The following RSRC1 variants were observed in gnomAD, a reference collection of about 807,000 sequenced individuals.
RSRC1 encodes the protein serine/Arginine-related protein 53.
A neutral mutation model predicts 49.1 loss-of-function variants in RSRC1; 39 were observed. That is an observed-to-expected ratio of 0.79 (90% confidence interval 0.61 to 1.04). The LOEUF is 1.04. Ranked by LOEUF, RSRC1 falls within the 50% of genes least tolerant of loss-of-function variation. RSRC1 has a pLI of 0.00. For missense variants in RSRC1, 388 were observed against 402.4 expected (o/e 0.96, Z 0.31); for synonymous variants, 143 against 130.8 (o/e 1.09, Z -0.63).
chr3:158,283,754 G>T (rs557566536), intron 4 of RSRC1, among the ~76,000 whole-genome samples: 1 of 152,242 alleles, frequency 6.6e-6, no homozygotes, highest in Admixed American at 6.5e-5. Flanking sequence ...GTATTGTTGA[G>T]AATGTTGATA....
intron 4 of RSRC1, among the ~76,000 whole-genome samples, chr3:158,234,016 G>A (rs889290785): frequency 3.3e-5 from 5 of 152,182 alleles, no homozygotes; most frequent in Admixed American, 2.6e-4. Context: ...CACTTGTAAG[G>A]AAGAGCAGGG....
At position 158,274,188 on chromosome 3, in the gene RSRC1, T is replaced by C. The variant is rs115529116; in HGVS notation, c.495-23851T>C. Among the ~76,000 whole-genome samples, 1,508 of 152,208 alleles carry C rather than the reference T, an allele frequency of 9.9e-3. 26 individuals carry two copies. The highest frequency in any genetic ancestry group is 0.035 in the African/African-American group (1,447 of 41,552). ...TGTTTTTAATGTTTAGAAATATGAA[T>C]TTTAGGGGTATGCTGAAGTGCTGAG... On this transcript the variant is annotated intron_variant, in intron 4 of 9. Transcript: ENST00000611884.
At chr3:158,132,412 A>G (rs1267971257) in intron 3 of RSRC1, 1 of 154,622 alleles carries the variant, frequency 6.5e-6, no homozygotes, top group Non-Finnish European at 1.4e-5. Context: ...CCATGCTTTT[A>G]TCTGAGGAAC....
chr3:158,196,533 C>T (rs1247556767), intron 3 of RSRC1, among the ~76,000 whole-genome samples: 1 of 152,236 alleles, frequency 6.6e-6, no homozygotes, highest in East Asian at 1.9e-4. Flanking sequence ...ACTTCTAACA[C>T]TATGTTGAAT....
intron 8 of RSRC1, among the ~76,000 whole-genome samples, chr3:158,537,736 T>G (rs1395130490): frequency 1.3e-5 from 2 of 151,648 alleles, no homozygotes; most frequent in South Asian, 2.1e-4. Context: ...GGAATTAGGT[T>G]TCTATAGTAG....
intron 5 of RSRC1, among the ~76,000 whole-genome samples, chr3:158,328,928 G>T (rs1039652111): frequency 3.3e-5 from 5 of 152,150 alleles, no homozygotes; most frequent in Admixed American, 3.3e-4. Flanking sequence ...TGGAGGCTTT[G>T]TTCATTTCTT....
At chr3:158,166,836 G>C (rs564338250) in intron 3 of RSRC1, among the ~76,000 whole-genome samples, 8 of 152,152 alleles carry the variant, frequency 5.3e-5, no homozygotes, top group Admixed American at 4.6e-4. Flanking sequence ...TGAATATTTT[G>C]AACACATATT....
intron 7 of RSRC1, among the ~76,000 whole-genome samples, chr3:158,536,725 T>A (rs1485039014): frequency 6.6e-6 from 1 of 151,464 alleles, no homozygotes; most frequent in Non-Finnish European, 1.5e-5. Context: ...ATAGATTAAA[T>A]AAGAATAACA....
intron 1 of RSRC1, among the ~76,000 whole-genome samples, chr3:158,113,814 C>G (rs1559904591): frequency 6.6e-6 from 1 of 152,062 alleles, no homozygotes; most frequent in Admixed American, 6.5e-5. Context: ...TGAGAAGTGT[C>G]TGTTCATGTT....
At chr3:158,197,088 C>T (rs1464073516) in intron 3 of RSRC1, among the ~76,000 whole-genome samples, 1 of 152,118 alleles carries the variant, frequency 6.6e-6, no homozygotes, top group Non-Finnish European at 1.5e-5. Context: ...ATCAGCTCCT[C>T]CTTGTACCTC....
At chr3:158,226,193 T>C (rs1171445357) in intron 4 of RSRC1, among the ~76,000 whole-genome samples, 1 of 151,896 alleles carries the variant, frequency 6.6e-6, no homozygotes, top group African/African-American at 2.4e-5. Context: ...AGAACTAATA[T>C]TAAAGAGTTA....
At position 158,200,318 on chromosome 3, in the gene RSRC1, G is replaced by A. The variant is rs140513382; in HGVS notation, c.321-2754G>A. On this transcript the variant is annotated intron_variant, in intron 3 of 9. Coordinates refer to ENST00000611884, the MANE Select transcript of RSRC1 (RefSeq NM_001271838.2). ...CTCCCAAAGTGCTGGGATTAGAGGC[G>A]TGAGCTACCACGCCCGGCCTGGCCA... 4.6e-5 allele frequency among the ~76,000 whole-genome samples: 7 copies of A among 152,242 alleles called. No homozygotes were observed. The East Asian group carries it at 5.8e-4, about 13-fold the overall frequency.
intron 5 of RSRC1, among the ~76,000 whole-genome samples, chr3:158,326,210 A>G (rs1435179815): frequency 6.6e-6 from 1 of 152,116 alleles, no homozygotes; most frequent in Non-Finnish European, 1.5e-5. Flanking sequence ...TCCTAACTGA[A>G]TACCCTTTAT....
At chr3:158,409,006 C>G (rs1734290416) in intron 6 of RSRC1, among the ~76,000 whole-genome samples, 1 of 151,912 alleles carries the variant, frequency 6.6e-6, no homozygotes, top group South Asian at 2.1e-4. Flanking sequence ...GCACTCCAGC[C>G]TGGGCAACAA....
At chr3:158,477,808 A>G (rs1292545775) in intron 7 of RSRC1, among the ~76,000 whole-genome samples, 1 of 84,144 alleles carries the variant, frequency 1.2e-5, no homozygotes, top group African/African-American at 3.8e-5. Flanking sequence ...TTATATATAT[A>G]TATATATATA....
chr3:158,151,564 T>C (rs1193570949), intron 3 of RSRC1, among the ~76,000 whole-genome samples: 5 of 152,136 alleles, frequency 3.3e-5, no homozygotes, highest in African/African-American at 1.2e-4. Flanking sequence ...CAGCTTAAAA[T>C]GTTTTGGGGG....
intron 7 of RSRC1, among the ~76,000 whole-genome samples, chr3:158,527,904 A>G (rs535704843): frequency 1.3e-5 from 2 of 152,086 alleles, no homozygotes; most frequent in East Asian, 3.9e-4. Flanking sequence ...AAATCATAAC[A>G]ATATCTTTAT....
chr3:158,514,601 G>C (rs1276651400), intron 7 of RSRC1, among the ~76,000 whole-genome samples: 1 of 152,080 alleles, frequency 6.6e-6, no homozygotes, highest in African/African-American at 2.4e-5. Flanking sequence ...CTGTTGATTT[G>C]GGATGGAGAG....
chr3:158,293,535 G>A (rs1727068643), intron 4 of RSRC1, among the ~76,000 whole-genome samples: 1 of 152,002 alleles, frequency 6.6e-6, no homozygotes, highest in South Asian at 2.1e-4. Context: ...TTCAATTCCA[G>A]ATGATTATGG....
Sources: gnomAD v4.1 joint callset for allele counts (sites outside exome capture counted in the v4.1 genomes callset) on GRCh38, gnomAD v4.1.1 for gene constraint, MANE v1.5 for transcripts, NCBI Gene and HGNC (gene_info 2026-07-23, HGNC 2026-07-21) for gene names.